SND1: variants seen among roughly 807,000 people sequenced by gnomAD.
SND1 encodes the protein staphylococcal nuclease domain-containing protein 1.
Under a neutral mutation model 121.7 loss-of-function variants are expected in SND1, and 38 were observed. That is an observed-to-expected ratio of 0.31 (90% CI 0.24 to 0.41). SND1 has a LOEUF of 0.41. Ranked by LOEUF, SND1 falls within the 10% of genes least tolerant of loss-of-function variation. SND1 has a pLI of 1.00. For missense variants in SND1, 868 were observed against 1,184.6 expected (o/e 0.73, Z 3.92); for synonymous variants, 401 against 447.4 (o/e 0.90, Z 1.31).
chr7:127,990,158 C>T (rs1191893392), intron 15 of SND1, among the ~76,000 whole-genome samples: 1 of 152,116 alleles, frequency 6.6e-6, no homozygotes, highest in African/African-American at 2.4e-5. Context: ...TGGCAGGCAT[C>T]GTTCTAAATA....
chr7:127,893,458 T>C, intron 13 of SND1, among the ~76,000 whole-genome samples: 1 of 152,122 alleles, frequency 6.6e-6, no homozygotes, highest in Non-Finnish European at 1.5e-5. Flanking sequence ...AACACAGAAG[T>C]TATGTTAGTT....
intron 11 of SND1, among the ~76,000 whole-genome samples, chr7:127,821,654 T>A (rs111374553): frequency 0.019 from 2,948 of 152,248 alleles, 58 homozygotes; most frequent in Non-Finnish European, 0.027. Flanking sequence ...TTTTAAAAAA[T>A]TTTTGTTTTA....
chr7:128,027,284 C>T (rs567031949), intron 16 of SND1: 1 of 152,516 alleles, frequency 6.6e-6, no homozygotes, highest in South Asian at 2.1e-4. Context: ...CCACCCACGC[C>T]CACCCTTTCT....
intron 16 of SND1, among the ~76,000 whole-genome samples, chr7:128,060,708 C>G (rs559035824): frequency 3.3e-5 from 5 of 152,298 alleles, no homozygotes; most frequent in African/African-American, 1.2e-4. Context: ...TGGCAGGAGT[C>G]TCAAAGCTTT....
intron 12 of SND1, among the ~76,000 whole-genome samples, chr7:127,851,186 T>C (rs932782244): frequency 7.9e-5 from 12 of 152,228 alleles, no homozygotes; most frequent in African/African-American, 2.9e-4. Flanking sequence ...CTGAAGTATG[T>C]GAGAGCTTCT....
chr7:127,858,333 C>A, intron 12 of SND1: 1 of 1,290,838 alleles, frequency 7.7e-7, no homozygotes, highest in Non-Finnish European at 1.1e-6. Context: ...TTGCCTCCTC[C>A]TCGGGCCCCC....
At chr7:127,875,358 A>G (rs1002880205) in intron 12 of SND1, among the ~76,000 whole-genome samples, 14 of 152,298 alleles carry the variant, frequency 9.2e-5, no homozygotes, top group African/African-American at 3.1e-4. Context: ...ATATACAGCA[A>G]TAAAAGCTGA....
At chr7:128,033,370 A>G (rs1311821313) in intron 16 of SND1, among the ~76,000 whole-genome samples, 1 of 152,068 alleles carries the variant, frequency 6.6e-6, no homozygotes, top group East Asian at 1.9e-4. Flanking sequence ...GCATGGTTTA[A>G]TATCCCTTCC....
chr7:127,964,345 A>T, intron 15 of SND1, among the ~76,000 whole-genome samples: 1 of 144,818 alleles, frequency 6.9e-6, no homozygotes, highest in South Asian at 2.3e-4. Context: ...TATGTCCTGA[A>T]TGGTAATGCC....
intron 1 of SND1, among the ~76,000 whole-genome samples, chr7:127,671,709 G>GAT (rs1795520324): frequency 6.6e-6 from 1 of 152,142 alleles, no homozygotes; most frequent in Non-Finnish European, 1.5e-5. Flanking sequence ...CACTTTATTT[G>GAT]ATATATATTT....
chr7:127,795,222 C>G (rs1024885646), intron 10 of SND1, among the ~76,000 whole-genome samples: 2 of 152,174 alleles, frequency 1.3e-5, no homozygotes, highest in East Asian at 3.9e-4. Context: ...AAACAGCACC[C>G]AAAGAGATTT....
chr7:127,982,354 G>A (rs868004584), intron 15 of SND1, among the ~76,000 whole-genome samples: 2 of 152,170 alleles, frequency 1.3e-5, no homozygotes, highest in Non-Finnish European at 2.9e-5. Flanking sequence ...AAAAATTGGA[G>A]CTGTGACTAA....
chr7:127,777,873 A>C (rs1797649703), intron 10 of SND1, among the ~76,000 whole-genome samples: 1 of 152,144 alleles, frequency 6.6e-6, no homozygotes, highest in Admixed American at 6.5e-5. Flanking sequence ...AGACTACAGA[A>C]GAGAAGTTGT....
rs1793670701 is a variant in SND1 at position 128,085,286 on chromosome 7, C to T, written c.2235-425C>T. Among the ~76,000 whole-genome samples the T allele has an allele frequency of 6.6e-6, 1 of 152,168 alleles. No individual in the cohort carries two copies. The highest frequency in any genetic ancestry group is 2.1e-4 in the South Asian group (1 of 4,834). ...GTGCTCACAGGCCGGAAGAAGGTCGCTGATGTGTAATCTACCAAGGGAGGG... is the reference window on the plus strand; with the variant it reads ...GTGCTCACAGGCCGGAAGAAGGTCGTTGATGTGTAATCTACCAAGGGAGGG... On this transcript the variant is annotated intron_variant, in intron 19 of 23. Transcript: ENST00000354725. This position sits in a 1 kb window ranked among gnomAD's most constrained non-coding sequence, Gnocchi z 4.4.
At chr7:127,825,011 G>A (rs1407961950) in intron 11 of SND1, among the ~76,000 whole-genome samples, 2 of 152,196 alleles carry the variant, frequency 1.3e-5, no homozygotes, top group Non-Finnish European at 2.9e-5. Flanking sequence ...TTACAAGCCA[G>A]CTGGAGAATT....
At chr7:127,902,030 G>A (rs1274489950) in intron 13 of SND1, among the ~76,000 whole-genome samples, 1 of 152,146 alleles carries the variant, frequency 6.6e-6, no homozygotes, top group Non-Finnish European at 1.5e-5. Flanking sequence ...AGCGTATTTA[G>A]TTGTGGTTAA....
chr7:128,082,075 G>T, intron 18 of SND1: 3 of 451,334 alleles, frequency 6.6e-6, no homozygotes, highest in Non-Finnish European at 1.4e-5. Flanking sequence ...CTTCCGTCCT[G>T]AGTGGTGTGC....
intron 12 of SND1, among the ~76,000 whole-genome samples, chr7:127,871,035 A>G (rs752975097): frequency 1.3e-5 from 2 of 151,058 alleles, no homozygotes; most frequent in Non-Finnish European, 3.0e-5. Flanking sequence ...GAAAAGTAAG[A>G]CACAAACATA....
At chr7:128,037,477 A>G (rs1199256106) in intron 16 of SND1, among the ~76,000 whole-genome samples, 1 of 152,216 alleles carries the variant, frequency 6.6e-6, no homozygotes, top group Non-Finnish European at 1.5e-5. Flanking sequence ...AATTCCCGTC[A>G]CAGGGTTCTG....
Sources: gnomAD v4.1 joint callset for allele counts (sites outside exome capture counted in the v4.1 genomes callset) on GRCh38, gnomAD v4.1.1 for gene constraint, Gnocchi (gnomAD v3.1) non-coding constraint, MANE v1.5 for transcripts, NCBI Gene and HGNC (gene_info 2026-07-23, HGNC 2026-07-21) for gene names.